Variants in PID1 observed in about 807,000 individuals in gnomAD.
The protein encoded by PID1 is PTB-containing, cubilin and LRP1-interacting protein.
A neutral mutation model predicts 19.1 loss-of-function variants in PID1; 10 were observed. The ratio of observed to expected loss-of-function variants is 0.52; its 90% confidence interval spans 0.32 to 0.89. The LOEUF (loss-of-function observed/expected upper bound fraction) is 0.89, where lower values mean the gene tolerates loss of function less well. Among genes scored for constraint, PID1 ranks in the 40% least tolerant of loss-of-function variants. PID1 has a pLI of 0.03. For synonymous variants in PID1, 130 were observed against 116.0 expected, an observed-to-expected ratio of 1.12 and a Z score of -0.78; for missense variants, 248 against 285.3, an observed-to-expected ratio of 0.87 and a Z score of 0.94.
intron 2 of PID1, 142 bp downstream of exon 2, chr2:229,155,676 C>T: frequency 4.2e-6 from 3 of 719,238 alleles, no homozygotes; most frequent in South Asian, 4.4e-5. Context: ...TTCAGTCTAC[C>T]ATCACTCTGT....
chr2:229,149,233 A>G (rs76148328), intron 2 of PID1, among the ~76,000 whole-genome samples: 20,345 of 152,096 alleles, frequency 0.13, 1,480 homozygotes, highest in East Asian at 0.29. Flanking sequence ...CACATAATAA[A>G]ACTAATATTT....
At chr2:229,115,183 T>C (rs959355350) in intron 2 of PID1, among the ~76,000 whole-genome samples, 21 of 151,994 alleles carry the variant, frequency 1.4e-4, no homozygotes, top group African/African-American at 4.6e-4. Flanking sequence ...ACACTCCTCA[T>C]TGAGGTGTGT....
intron 1 of PID1, among the ~76,000 whole-genome samples, chr2:229,156,495 C>T (rs1372709177): frequency 6.6e-6 from 1 of 152,126 alleles, no homozygotes; most frequent in African/African-American, 2.4e-5. Flanking sequence ...GCCAGGATCC[C>T]AGGTAAATAT....
intron 1 of PID1, among the ~76,000 whole-genome samples, chr2:229,227,704 G>C (rs1174106030): frequency 2.6e-5 from 4 of 152,126 alleles, no homozygotes; most frequent in African/African-American, 9.7e-5. Flanking sequence ...CATAAATATA[G>C]TTGGCCCTCT....
At chr2:229,080,267 CT>C (rs1694643236) in intron 2 of PID1, among the ~76,000 whole-genome samples, 1 of 152,172 alleles carries the variant, frequency 6.6e-6, no homozygotes, top group African/African-American at 2.4e-5. Flanking sequence ...GCACTTGAGG[CT>C]TTCTGTAATC....
intron 1 of PID1, among the ~76,000 whole-genome samples, chr2:229,268,800 T>C (rs944131438): frequency 6.6e-6 from 1 of 152,038 alleles, no homozygotes; most frequent in African/African-American, 2.4e-5. Flanking sequence ...CGGACAGGCA[T>C]GTTTCTATAT....
At chr2:229,250,816 T>C (rs1026754822) in intron 1 of PID1, among the ~76,000 whole-genome samples, 1 of 152,118 alleles carries the variant, frequency 6.6e-6, no homozygotes, top group Non-Finnish European at 1.5e-5. Flanking sequence ...CTTTACAGCG[T>C]CTTAGGATGG....
chr2:229,196,736 C>T (rs1010664075), intron 1 of PID1, among the ~76,000 whole-genome samples: 1 of 152,038 alleles, frequency 6.6e-6, no homozygotes, highest in African/African-American at 2.4e-5. Context: ...TGATCCTGTG[C>T]ACATCATATT....
At chr2:229,214,559 ATGAT>A (rs928215893) in intron 1 of PID1, among the ~76,000 whole-genome samples, 5 of 152,164 alleles carry the variant, frequency 3.3e-5, no homozygotes, top group Non-Finnish European at 7.3e-5. Context: ...TTATTAGAGA[ATGAT>A]TGAGAAAGAA....
chr2:229,231,415 G>A (rs754837418), intron 1 of PID1, among the ~76,000 whole-genome samples: 4 of 152,008 alleles, frequency 2.6e-5, no homozygotes, highest in Non-Finnish European at 5.9e-5. Context: ...TGCACATAAA[G>A]TTATTCTGGG....
chr2:229,220,184 T>G (rs778041220), intron 1 of PID1, among the ~76,000 whole-genome samples: 43 of 152,078 alleles, frequency 2.8e-4, no homozygotes, highest in Non-Finnish European at 4.3e-4. Flanking sequence ...CATGCCCATC[T>G]AATTTCCTAT....
intron 1 of PID1, among the ~76,000 whole-genome samples, chr2:229,163,680 T>TGTGTGTGTGCGC (rs1365270238): frequency 1.1e-4 from 11 of 103,810 alleles, no homozygotes; most frequent in Non-Finnish European, 2.0e-4. Flanking sequence ...TGTGTGCGTG[T>TGTGTGTGTGCGC]GCGTGTGTGT....
intron 1 of PID1, among the ~76,000 whole-genome samples, chr2:229,234,744 A>G (rs1692288437): frequency 6.6e-6 from 1 of 152,214 alleles, no homozygotes; most frequent in Non-Finnish European, 1.5e-5. Flanking sequence ...TTAACTGAAG[A>G]GAAAGCTAAC....
chr2:229,139,477 T>C (rs1236358333), intron 2 of PID1, among the ~76,000 whole-genome samples: 1 of 152,198 alleles, frequency 6.6e-6, no homozygotes, highest in Admixed American at 6.6e-5. Flanking sequence ...TTAGCATCTT[T>C]ATCCTCTAGG....
At chr2:229,231,347 G>T (rs1312757731) in intron 1 of PID1, among the ~76,000 whole-genome samples, 2 of 151,970 alleles carry the variant, frequency 1.3e-5, no homozygotes, top group Admixed American at 6.6e-5. Flanking sequence ...CACCACAATT[G>T]GGCTTCTATA....
intron 1 of PID1, among the ~76,000 whole-genome samples, chr2:229,245,612 T>C (rs1469108574): frequency 6.6e-6 from 1 of 152,198 alleles, no homozygotes; most frequent in Non-Finnish European, 1.5e-5. Flanking sequence ...GGGGCAGCTA[T>C]GCCACACCTT....
chr2:229,263,136 C>T (rs1690502617), intron 1 of PID1, among the ~76,000 whole-genome samples: 1 of 152,136 alleles, frequency 6.6e-6, no homozygotes, highest in Non-Finnish European at 1.5e-5. Flanking sequence ...TTAGGAATGT[C>T]AAAGATACAT....
In PID1 at chr2:229,045,076, C is replaced by T. The variant is rs185092230; in HGVS notation, c.178-18968G>A. Among the ~76,000 whole-genome samples the T allele has an allele frequency of 2.2e-3, 338 of 152,198 alleles. 1 individual carries two copies. The highest frequency in any genetic ancestry group is 3.8e-3 in the Admixed American group (58 of 15,290). On this transcript the variant is annotated intron_variant, in intron 2 of 2. Transcript: ENST00000392055. ...TCAAGCAATTCTCCTGCCTCAACCTCCCAAGTAGCTGGGATTACAGGCACC... is the reference window on the plus strand; with the variant it reads ...TCAAGCAATTCTCCTGCCTCAACCTTCCAAGTAGCTGGGATTACAGGCACC...
chr2:229,220,290 A>T (rs1330831076), intron 1 of PID1, among the ~76,000 whole-genome samples: 2 of 152,192 alleles, frequency 1.3e-5, no homozygotes, highest in African/African-American at 4.8e-5. Context: ...ATGTTGGGTG[A>T]CTTGTCTAGA....
Sources: allele counts gnomAD v4.1 joint callset (sites outside exome capture counted in the v4.1 genomes callset), GRCh38; gene constraint gnomAD v4.1.1; transcripts MANE v1.5; gene names NCBI Gene and HGNC (gene_info 2026-07-23, HGNC 2026-07-21).